Variants in MAP3K8 observed in about 807,000 individuals in gnomAD.
MAP3K8 encodes Ewing sarcoma transformant.
A neutral mutation model predicts 45.8 loss-of-function variants in MAP3K8; 22 were observed. The ratio of observed to expected loss-of-function variants is 0.48; its 90% CI spans 0.34 to 0.69. The LOEUF (loss-of-function observed/expected upper bound fraction) is 0.69, where lower values mean the gene tolerates loss of function less well. MAP3K8 is among the 30% of genes least tolerant of loss of function. MAP3K8 has a pLI of 0.01. For synonymous variants in MAP3K8, 223 were observed against 214.3 expected (o/e 1.04, Z -0.36); for missense variants, 419 against 585.0 (o/e 0.72, Z 2.93).
intron 3 of MAP3K8, among the ~76,000 whole-genome samples, chr10:30,443,770 G>T (rs893571165): frequency 5.3e-5 from 8 of 152,198 alleles, no homozygotes; most frequent in Non-Finnish European, 1.0e-4. Context: ...TTGGCCCAGT[G>T]TTGTTTCGTA....
At chr10:30,446,241 T>A (rs1286861177) in intron 3 of MAP3K8, among the ~76,000 whole-genome samples, 1 of 152,040 alleles carries the variant, frequency 6.6e-6, no homozygotes, top group Admixed American at 6.6e-5. Flanking sequence ...TTTAATAGTT[T>A]CACAATTCCT....
At chr10:30,442,238 G>T (rs1208770646) in intron 3 of MAP3K8, among the ~76,000 whole-genome samples, 1 of 152,244 alleles carries the variant, frequency 6.6e-6, no homozygotes, top group Non-Finnish European at 1.5e-5. Context: ...GTTTGCTCTG[G>T]CAGTGCACAG....
chr10:30,461,035 G>A lies in MAP3K8; in HGVS notation c.*199G>A, dbSNP rs2132841309. On this transcript the variant is annotated 3_prime_UTR_variant, in exon 9 of 9. Coordinates refer to ENST00000263056, the MANE Select transcript of MAP3K8 (RefSeq NM_005204.4). ...TATTTGATATGCACCAGGTCTCAAG[G>A]TTCTCATTTCTCAGGTGACGTGATT... 9 of 500,934 alleles carry A rather than the reference G, an allele frequency of 1.8e-5. No individual in the cohort carries two copies. The South Asian group carries it at 3.3e-4, about 18-fold the overall frequency. 31.0% of individuals were successfully genotyped at this position (500,934 alleles called of 1,614,324 possible).
At chr10:30,437,130 C>T (rs989205576) in intron 1 of MAP3K8, 46 bp from the exon 2 acceptor site, 2 of 982,414 alleles carry the variant, frequency 2.0e-6, no homozygotes, top group African/African-American at 3.5e-5. Context: ...GAAAGCATTT[C>T]ATAGGTTTCT....
chr10:30,444,696 C>A (rs1008195641), intron 3 of MAP3K8, among the ~76,000 whole-genome samples: 1 of 152,152 alleles, frequency 6.6e-6, no homozygotes, highest in Non-Finnish European at 1.5e-5. Context: ...ATTATTTGAT[C>A]TACAGAGGAG....
chr10:30,457,775 T>C (rs974315261), intron 6 of MAP3K8, among the ~76,000 whole-genome samples: 4 of 152,158 alleles, frequency 2.6e-5, no homozygotes, highest in African/African-American at 4.8e-5. Context: ...GCCTCCCAAG[T>C]AGATGGGATT....
At chr10:30,440,695 G>C (rs1028099527) in intron 3 of MAP3K8, among the ~76,000 whole-genome samples, 7 of 152,138 alleles carry the variant, frequency 4.6e-5, no homozygotes, top group Non-Finnish European at 1.0e-4. Flanking sequence ...ATAAAGGATA[G>C]TTGGAGAACT....
Position 30,435,482 on chromosome 10 carries a change from A to G in MAP3K8, c.-255+1104A>G, listed in dbSNP as rs368963716. ...ATAATCCGGGGCTTTTTGAGAGCAA[A>G]AACATAGTCAGAAATGTGCCCTGAG... On this transcript the variant is annotated intron_variant, in intron 1 of 8. Transcript: ENST00000263056. Among the ~76,000 whole-genome samples the G allele has an allele frequency of 2.0e-5, 3 of 152,318 alleles. No homozygotes were observed. The East Asian group carries it at 5.8e-4, about 29-fold the overall frequency.
intron 3 of MAP3K8, among the ~76,000 whole-genome samples, chr10:30,441,181 G>C (rs560359034): frequency 4.7e-5 from 7 of 147,388 alleles, no homozygotes; most frequent in African/African-American, 1.8e-4. Flanking sequence ...TTTTGAGACA[G>C]AGTCTCGCTC....
rs1487727543 is a variant in MAP3K8, at chr10:30,438,956, T to C, written c.18T>C (p.Thr6=). 2 of 1,609,116 alleles carry C rather than the reference T, an allele frequency of 1.2e-6. No individual in the cohort carries two copies. Among genetic ancestry groups the C allele is most frequent in the East Asian group, 4.5e-5 (2 of 44,846 alleles). MEYMS[T]GSDNKEEIDL... ...CAACAGTAATGGAGTACATGAGCAC[T>C]GGAAGTGACAATAAAGAAGAGATTG... Residue 6 remains threonine (T), a synonymous_variant, in exon 3 of 9, where the codon ACT becomes ACC. Transcript: ENST00000263056.
At chr10:30,447,756 C>G in intron 3 of MAP3K8, 26 bp from the exon 4 acceptor site, 1 of 1,603,254 alleles carries the variant, frequency 6.2e-7, no homozygotes. Context: ...AAGTTCTCAC[C>G]GTCTCACATT....
At chr10:30,443,691 A>G (rs990220409) in intron 3 of MAP3K8, among the ~76,000 whole-genome samples, 1 of 152,244 alleles carries the variant, frequency 6.6e-6, no homozygotes, top group Non-Finnish European at 1.5e-5. Flanking sequence ...ATAGTAGCAT[A>G]TCACACCAGT....
At chr10:30,452,488 C>T (rs1455841259) in intron 6 of MAP3K8, among the ~76,000 whole-genome samples, 2 of 151,544 alleles carry the variant, frequency 1.3e-5, no homozygotes, top group Admixed American at 1.3e-4. Flanking sequence ...AAAAAATTAG[C>T]TCAGTGTGGT....
rs1398554399 is a variant in MAP3K8 at position 30,447,834 on chromosome 10, T to C, written c.389T>C (p.Ile130Thr). The change falls in exon 4 of 9, where the codon ATC (isoleucine) becomes ACC (threonine). Residue 130 changes from isoleucine (I) to threonine (T), a missense_variant. By Grantham distance (89) the Ile-to-Thr change is moderately conservative (BLOSUM62 -1). Coordinates refer to ENST00000263056, the MANE Select transcript of MAP3K8 (RefSeq NM_005204.4). ...RYQIDSDVLLIPWKLTYRNIG... is the reference protein window; with the variant it reads ...RYQIDSDVLLTPWKLTYRNIG... Reference sequence around the variant, plus strand: ...CAAATAGATTCCGATGTTCTCCTGATCCCCTGGAAGCTGACTTACAGGAAT... The same window carrying C: ...CAAATAGATTCCGATGTTCTCCTGACCCCCTGGAAGCTGACTTACAGGAAT... 1 of 1,613,870 alleles carries C rather than the reference T, an allele frequency of 6.2e-7. No homozygotes were observed. The highest frequency in any genetic ancestry group is 8.5e-7 in the Non-Finnish European group (1 of 1,179,844).
chr10:30,458,222 T>C lies in MAP3K8; in HGVS notation c.1012T>C (p.Ser338Pro). Reference sequence around the variant, plus strand: ...GCGCTACCCTCGCTCAGCCTATCCCTCCTACCTGTACATAGTAAGTGGGGT... The same window carrying C: ...GCGCTACCCTCGCTCAGCCTATCCCCCCTACCTGTACATAGTAAGTGGGGT... ...VKRYPRSAYP[S>P]YLYIIHKQAP... is the part of the protein sequence containing the mutation. The change falls in exon 7 of 9, where the codon TCC (serine) becomes CCC (proline). Residue 338 changes from serine to proline, a missense_variant. Coordinates refer to ENST00000263056, the MANE Select transcript of MAP3K8 (RefSeq NM_005204.4). The C allele has an allele frequency of 1.5e-6, 2 of 1,354,210 alleles. No individual in the cohort carries two copies. Among genetic ancestry groups the C allele is most frequent in the Non-Finnish European group, 2.0e-6 (2 of 1,000,710 alleles). The allele number at this position is 1,354,210 out of a possible 1,614,324, so 83.9% of individuals were successfully genotyped here. A position where few individuals can be genotyped will look rare whatever the true frequency, so the allele number is the denominator to read the frequency against.
chr10:30,458,268 C>CGA lies in MAP3K8; in HGVS notation c.1026+33_1026+34insAG, dbSNP rs1554774865. ...GGGGTTCAACCAGGGCTGGGGGCGG[C>CGA]GGGGGGGGGCGTTGAGTTATGCATC... On this transcript the variant is annotated intron_variant, in intron 7 of 8. Transcript: ENST00000263056. 6 of 439,434 alleles carry CGA rather than the reference C, an allele frequency of 1.4e-5. No individual in the cohort carries two copies. In the East Asian group the frequency reaches 2.5e-4, roughly 18 times the overall value. 27.2% of individuals were successfully genotyped at this position (439,434 alleles called of 1,614,324 possible).
intron 8 of MAP3K8, among the ~76,000 whole-genome samples, chr10:30,460,406 G>C (rs139686718): frequency 6.6e-6 from 1 of 152,120 alleles, no homozygotes; most frequent in Admixed American, 6.6e-5. Flanking sequence ...GTCAAGCCTG[G>C]TGCGCTTGTT....
At chr10:30,446,625 A>G (rs922357124) in intron 3 of MAP3K8, among the ~76,000 whole-genome samples, 5 of 152,142 alleles carry the variant, frequency 3.3e-5, no homozygotes, top group Non-Finnish European at 5.9e-5. Flanking sequence ...TTGAGGAGAA[A>G]CTGGTACTGA....
chr10:30,434,508 G>A, intron 1 of MAP3K8, 130 bp downstream of exon 1: 1 of 985,776 alleles, frequency 1.0e-6, no homozygotes, highest in South Asian at 4.7e-5. Context: ...AAGAGGTGGG[G>A]GCGTGCCCAC....
Sources: allele counts gnomAD v4.1 joint callset (sites outside exome capture counted in the v4.1 genomes callset), GRCh38; gene constraint gnomAD v4.1.1; transcripts MANE v1.5; gene names NCBI Gene and HGNC (gene_info 2026-07-23, HGNC 2026-07-21).